The following LMF1 variants were observed in gnomAD, a reference collection of about 807,000 sequenced individuals.
LMF1 encodes transmembrane protein 112.
In LMF1, 68 loss-of-function variants were observed where a neutral mutation model predicts 60.6. That is an observed-to-expected ratio of 1.12 (90% confidence interval 0.92 to 1.37). LMF1 has a LOEUF of 1.37. Among genes scored for constraint, LMF1 ranks in the 40% most tolerant of loss-of-function variants. LMF1 has a pLI of 0.00. For synonymous variants in LMF1, 418 were observed against 324.7 expected (o/e 1.29, Z -3.09); for missense variants, 948 against 767.2 (o/e 1.24, Z -2.78).
intron 1 of LMF1, among the ~76,000 whole-genome samples, chr16:965,263 C>G: frequency 6.6e-6 from 1 of 151,982 alleles, no homozygotes; most frequent in East Asian, 1.9e-4. Flanking sequence ...TTTCAGCCCA[C>G]GCTACGAAGC....
chr16:892,528 TG>T (rs2070520280), intron 5 of LMF1, among the ~76,000 whole-genome samples: 1 of 152,206 alleles, frequency 6.6e-6, no homozygotes, highest in African/African-American at 2.4e-5. Flanking sequence ...AGCCTTGGTC[TG>T]GGGGCCAAGC....
At chr16:884,115 T>C (rs2070241654) in intron 5 of LMF1, 1 of 152,242 alleles carries the variant, frequency 6.6e-6, no homozygotes, top group Non-Finnish European at 1.5e-5. Context: ...GCCTCTTTAC[T>C]CCTGATCATA....
At chr16:860,459 C>T (rs989669318) in intron 10 of LMF1, among the ~76,000 whole-genome samples, 7 of 152,054 alleles carry the variant, frequency 4.6e-5, no homozygotes, top group Admixed American at 3.3e-4. Context: ...CCCACCTCAG[C>T]CTCCCGAGTA....
chr16:929,632 G>A lies in LMF1; in HGVS notation c.514+4612C>T, dbSNP rs561900031. 5.3e-5 allele frequency among the ~76,000 whole-genome samples: 8 copies of A among 152,370 alleles called. No individual in the cohort carries two copies. In the East Asian group the frequency reaches 1.3e-3, roughly 26 times the overall value. ...CACTCGCTGCAGGGCGGCAGGAAGC[G>A]GCCACATTCGGGGCTGCGGAATTCA... On this transcript the variant is annotated intron_variant, in intron 3 of 10. Transcript: ENST00000262301.
At chr16:951,068 C>CAAA (rs1414832309) in intron 2 of LMF1, among the ~76,000 whole-genome samples, 1 of 45,938 alleles carries the variant, frequency 2.2e-5, no homozygotes, top group East Asian at 5.6e-4. Context: ...CAGAGTCAGC[C>CAAA]GACAGAGTCA....
At chr16:865,250 T>C (rs1567145113) in intron 10 of LMF1, among the ~76,000 whole-genome samples, 1 of 152,248 alleles carries the variant, frequency 6.6e-6, no homozygotes, top group Non-Finnish European at 1.5e-5. Context: ...CTACTTCCTC[T>C]ACATAAACTT....
intron 2 of LMF1, chr16:947,763 G>A (rs1404204395): frequency 2.8e-5 from 10 of 357,894 alleles, no homozygotes; most frequent in East Asian, 7.4e-5. Flanking sequence ...CAGAGCCAAC[G>A]AGAGAGTCAG....
At chr16:894,182 C>T (rs868828362) in intron 4 of LMF1, among the ~76,000 whole-genome samples, 1 of 53,282 alleles carries the variant, frequency 1.9e-5, no homozygotes, top group Non-Finnish European at 4.0e-5. Flanking sequence ...CCCCTGTCCA[C>T]TGGACTGTCC....
rs144597937 is a variant in LMF1, at chr16:947,810, A to C, written c.503+6547T>G. ...GAGTCAGCCAATGACAGAGTCAGAG[A>C]CAACGACAGAGTCAGCCAATGACAG... On this transcript the variant is annotated intron_variant, in intron 2 of 10. Transcript: ENST00000262301. 1.2e-3 allele frequency among the ~76,000 whole-genome samples: 188 copies of C among 151,940 alleles called. 1 individual carries two copies. The highest frequency in any genetic ancestry group is 3.9e-3 in the African/African-American group (161 of 41,420).
chr16:871,645 A>C, intron 6 of LMF1: 1 of 352,508 alleles, frequency 2.8e-6, no homozygotes, highest in South Asian at 4.3e-5. Flanking sequence ...AGACCACCAG[A>C]CCCTGTGCCC....
intron 10 of LMF1, among the ~76,000 whole-genome samples, chr16:858,911 G>T (rs2069314812): frequency 9.3e-6 from 1 of 107,518 alleles, no homozygotes; most frequent in Non-Finnish European, 1.9e-5. Context: ...CTCGGGACGG[G>T]TGTGCAGTGG....
chr16:924,409 C>CA (rs796338485), intron 3 of LMF1, among the ~76,000 whole-genome samples: 2 of 152,050 alleles, frequency 1.3e-5, no homozygotes, highest in Non-Finnish European at 2.9e-5. Context: ...TGCACATGCC[C>CA]ATTTTTTTTT....
chr16:875,599 G>A lies in LMF1; in HGVS notation c.897+3971C>T, dbSNP rs1461155462. Among the ~76,000 whole-genome samples, 3 of 152,178 alleles carry A rather than the reference G, an allele frequency of 2.0e-5. 1 individual carries two copies. Among genetic ancestry groups the A allele is most frequent in the African/African-American group, 7.2e-5 (3 of 41,426 alleles). On this transcript the variant is annotated intron_variant, in intron 6 of 10. Transcript: ENST00000262301. ...GGCAGTGGTGGAACTGGCCAGCACA[G>A]CCTGAGGGAGGGACGCTACAGGGTA...
At chr16:935,946 C>T (rs2071929898) in intron 2 of LMF1, among the ~76,000 whole-genome samples, 4 of 152,372 alleles carry the variant, frequency 2.6e-5, no homozygotes, top group Admixed American at 2.6e-4. Flanking sequence ...ATTCTTCAAC[C>T]GCATCAGGTG....
chr16:920,133 G>A (rs1351098637), intron 3 of LMF1, among the ~76,000 whole-genome samples: 1 of 150,472 alleles, frequency 6.6e-6, no homozygotes, highest in Non-Finnish European at 1.5e-5. Flanking sequence ...CCGTCAGCTG[G>A]GCCCCCAACA....
intron 3 of LMF1, among the ~76,000 whole-genome samples, chr16:928,157 C>T (rs559358116): frequency 1.3e-5 from 2 of 152,330 alleles, no homozygotes; most frequent in South Asian, 4.1e-4. Context: ...CAGGAGCGCC[C>T]GTTGCTGCTG....
chr16:920,749 C>T (rs949938191), intron 3 of LMF1, among the ~76,000 whole-genome samples: 2 of 152,166 alleles, frequency 1.3e-5, no homozygotes, highest in African/African-American at 2.4e-5. Context: ...AAACTGGCAA[C>T]GGAAGATAAA....
chr16:887,064 C>G (rs966402003), intron 5 of LMF1: 2 of 152,096 alleles, frequency 1.3e-5, no homozygotes, highest in African/African-American at 4.8e-5. Flanking sequence ...TCACGGGCGA[C>G]GCCAACCTGG....
rs72759474 is a variant in LMF1 at position 933,990 on chromosome 16, C to T, written c.514+254G>A. 3,509 of 1,466,868 alleles carry T rather than the reference C, an allele frequency of 2.4e-3. 5 individuals are homozygous for T. Among genetic ancestry groups the T allele is most frequent in the Middle Eastern group, 4.0e-3 (16 of 4,024 alleles). The allele number at this position is 1,466,868 out of a possible 1,614,324, so 90.9% of individuals were successfully genotyped here. A position where few individuals can be genotyped will look rare whatever the true frequency, so the allele number is the denominator to read the frequency against. ...CCCCAGGGAAGCGGTGGTAATCACA[C>T]CTGTGAGATGCCGACAATCATGCGT... On this transcript the variant is annotated intron_variant, in intron 3 of 10. Transcript: ENST00000262301.
Sources: gnomAD v4.1 joint callset for allele counts (sites outside exome capture counted in the v4.1 genomes callset) on GRCh38, gnomAD v4.1.1 for gene constraint, MANE v1.5 for transcripts, NCBI Gene and HGNC (gene_info 2026-07-23, HGNC 2026-07-21) for gene names.